The following PRKCQ variants were observed in gnomAD, a reference collection of about 807,000 sequenced individuals.
The protein encoded by PRKCQ is protein kinase C theta.
In PRKCQ, 41 loss-of-function variants were observed where a neutral mutation model predicts 91.2. The observed-to-expected ratio is 0.45, with a 90% CI of 0.35 to 0.58. The LOEUF (loss-of-function observed/expected upper bound fraction) is 0.58, where lower values mean the gene tolerates loss of function less well. PRKCQ is among the 20% of genes least tolerant of loss of function. PRKCQ has a pLI of 0.00. For synonymous variants in PRKCQ, 307 were observed against 316.9 expected, an observed-to-expected ratio of 0.97 and a Z score of 0.33; for missense variants, 673 against 896.5, an observed-to-expected ratio of 0.75 and a Z score of 3.18.
chr10:6,547,576 C>T (rs1456334830), intron 1 of PRKCQ, among the ~76,000 whole-genome samples: 4 of 150,132 alleles, frequency 2.7e-5, no homozygotes, highest in East Asian at 3.9e-4. Flanking sequence ...GAAATAAGGC[C>T]ACATATCTAC....
At chr10:6,528,852 T>C (rs995792362) in intron 1 of PRKCQ, among the ~76,000 whole-genome samples, 1 of 152,222 alleles carries the variant, frequency 6.6e-6, no homozygotes, top group Non-Finnish European at 1.5e-5. Flanking sequence ...AAAGGACATG[T>C]TATGACTGTA....
intron 7 of PRKCQ, among the ~76,000 whole-genome samples, 191 bp from the exon 8 acceptor site, chr10:6,492,003 A>G (rs570857112): frequency 1.1e-4 from 17 of 152,246 alleles, no homozygotes; most frequent in Non-Finnish European, 1.5e-4. Context: ...CAGCAACTGT[A>G]CGTGACGGGG....
At chr10:6,545,318 C>A (rs1839911678) in intron 1 of PRKCQ, among the ~76,000 whole-genome samples, 1 of 152,210 alleles carries the variant, frequency 6.6e-6, no homozygotes, top group Non-Finnish European at 1.5e-5. Context: ...TAAATCCTCA[C>A]AACAACCTTT....
At chr10:6,425,409 A>G (rs923821404), downstream of PRKCQ, among the ~76,000 whole-genome samples, 3 of 151,924 alleles carry the variant, frequency 2.0e-5, no homozygotes, top group African/African-American at 4.8e-5. Flanking sequence ...TATTTTTAGT[A>G]GACGGGGTTT....
chr10:6,470,175 A>G (rs1423405921), intron 12 of PRKCQ, among the ~76,000 whole-genome samples: 1 of 152,068 alleles, frequency 6.6e-6, no homozygotes. Flanking sequence ...ACTCTTCACC[A>G]CATTAAATAT....
intron 11 of PRKCQ, among the ~76,000 whole-genome samples, chr10:6,479,830 G>A (rs886982419): frequency 6.7e-6 from 1 of 149,136 alleles, no homozygotes; most frequent in East Asian, 2.0e-4. Context: ...GTGGGTGCCT[G>A]TAGTCCCAGC....
chr10:6,563,807 C>A (rs1840723713), intron 1 of PRKCQ, among the ~76,000 whole-genome samples: 1 of 152,180 alleles, frequency 6.6e-6, no homozygotes, highest in Non-Finnish European at 1.5e-5. Context: ...GCTAGACAGA[C>A]AAAGAGATGC....
At chr10:6,505,948 G>A (rs1838185126) in intron 4 of PRKCQ, among the ~76,000 whole-genome samples, 1 of 152,136 alleles carries the variant, frequency 6.6e-6, no homozygotes. Context: ...GCCCAGACAA[G>A]ACCCTTTTTC....
chr10:6,430,693 G>T lies in PRKCQ; in HGVS notation c.1965+117C>A. 1 of 1,405,546 alleles carries T rather than the reference G, an allele frequency of 7.1e-7. No homozygotes were observed. The highest frequency in any genetic ancestry group is 9.7e-7 in the Non-Finnish European group (1 of 1,026,806). The allele number at this position is 1,405,546 out of a possible 1,614,324, so 87.1% of individuals were successfully genotyped here. On this transcript the variant is annotated intron_variant, in intron 17 of 17. Coordinates refer to ENST00000263125, the MANE Select transcript of PRKCQ (RefSeq NM_006257.5). The surrounding 1 kb of genome is among the most constrained non-coding windows in gnomAD (Gnocchi z 4.7). Reference sequence around the variant, plus strand: ...ACGTGCATTCCTCCTGGAGAGTGGGGCTGGTGGGGAGTTGGGGCACCGGCA... The same window carrying T: ...ACGTGCATTCCTCCTGGAGAGTGGGTCTGGTGGGGAGTTGGGGCACCGGCA...
chr10:6,569,868 C>T (rs79067489), intron 1 of PRKCQ, among the ~76,000 whole-genome samples: 2,653 of 152,210 alleles, frequency 0.017, 52 homozygotes, highest in East Asian at 0.068. Flanking sequence ...AGGCATTAGA[C>T]GTGCCCAGGA....
intron 12 of PRKCQ, among the ~76,000 whole-genome samples, chr10:6,475,801 A>G (rs1836236569): frequency 6.6e-6 from 1 of 152,250 alleles, no homozygotes; most frequent in African/African-American, 2.4e-5. Context: ...GGTTTGAATA[A>G]TTAAGACATC....
At chr10:6,412,501 A>G in the PRKCQ span, among the ~76,000 whole-genome samples, 1 of 152,238 alleles carries the variant, frequency 6.6e-6, no homozygotes, top group Non-Finnish European at 1.5e-5. Context: ...AGCATGCTAT[A>G]AAGTGATAAC....
the PRKCQ span, among the ~76,000 whole-genome samples, chr10:6,414,455 A>T: frequency 6.6e-6 from 1 of 152,222 alleles, no homozygotes; most frequent in African/African-American, 2.4e-5. Context: ...GAAACAGAAA[A>T]ATAAATGAGG....
intron 4 of PRKCQ, 131 bp from the exon 5 acceptor site, chr10:6,498,689 C>T (rs891089573): frequency 1.9e-5 from 15 of 794,782 alleles, no homozygotes; most frequent in Non-Finnish European, 2.8e-5. Flanking sequence ...CTGTAACATT[C>T]CAGGTACTCA....
chr10:6,489,838 A>T (rs1837179928), intron 8 of PRKCQ, among the ~76,000 whole-genome samples: 1 of 152,114 alleles, frequency 6.6e-6, no homozygotes, highest in Non-Finnish European at 1.5e-5. Context: ...GAAACGAAGC[A>T]GGCAGAAGAG....
chr10:6,478,880 T>C, intron 12 of PRKCQ, 112 bp downstream of exon 12: 4 of 1,248,962 alleles, frequency 3.2e-6, no homozygotes, highest in Non-Finnish European at 4.5e-6. Context: ...TACACCGAAA[T>C]GTAAGATAAA....
At position 6,437,849 on chromosome 10, in the gene PRKCQ, T is replaced by G. The variant is rs547013359; in HGVS notation, c.1836+4044A>C. Among the ~76,000 whole-genome samples, 453 of 152,208 alleles carry G rather than the reference T, an allele frequency of 3.0e-3. 1 individual carries two copies. Among genetic ancestry groups the G allele is most frequent in the African/African-American group, 0.01 (436 of 41,528 alleles). The stretch of plus-strand genomic sequence containing the variant: ...TTTGTATTTTTAGTAGAGATGGGGT[T>G]TCACCGTGTAAGCCAGGATGGTCTG... On this transcript the variant is annotated intron_variant, in intron 16 of 17. Coordinates refer to ENST00000263125, the MANE Select transcript of PRKCQ (RefSeq NM_006257.5).
At chr10:6,435,940 C>T (rs1349784813) in intron 16 of PRKCQ, among the ~76,000 whole-genome samples, 2 of 152,118 alleles carry the variant, frequency 1.3e-5, no homozygotes, top group Admixed American at 6.5e-5. Flanking sequence ...ATGGCAAAAC[C>T]CGTCTCTACA....
At chr10:6,397,621 T>C in the PRKCQ span, among the ~76,000 whole-genome samples, 1 of 152,214 alleles carries the variant, frequency 6.6e-6, no homozygotes, top group Non-Finnish European at 1.5e-5. Context: ...ATTTGTGATA[T>C]TGTATCTAAG....
Sources: gnomAD v4.1 joint callset for allele counts (sites outside exome capture counted in the v4.1 genomes callset) on GRCh38, gnomAD v4.1.1 for gene constraint, Gnocchi (gnomAD v3.1) non-coding constraint, MANE v1.5 for transcripts, NCBI Gene and HGNC (gene_info 2026-07-23, HGNC 2026-07-21) for gene names.